Variants in GPRIN3 observed in about 807,000 individuals in gnomAD.
The protein encoded by GPRIN3 is GPRIN family member 3, also known as G protein-regulated inducer of neurite outgrowth 3.
A neutral mutation model predicts 13.7 loss-of-function variants in GPRIN3; 12 were observed. That is an observed-to-expected ratio of 0.87 (90% CI 0.56 to 1.42). GPRIN3 has a LOEUF of 1.42. Ranked by LOEUF, GPRIN3 falls within the 40% of genes most tolerant of loss-of-function variation. The probability of loss-of-function intolerance (pLI) is 0.00; values close to 1 mark genes in which losing one functional copy is unlikely to be tolerated. For synonymous variants in GPRIN3, 377 were observed against 372.7 expected (o/e 1.01, Z -0.13); for missense variants, 1,009 against 958.7 (o/e 1.05, Z -0.69).
At chr4:89,268,985 G>T (rs993028232) in intron 1 of GPRIN3, among the ~76,000 whole-genome samples, 1 of 152,158 alleles carries the variant, frequency 6.6e-6, no homozygotes, top group Non-Finnish European at 1.5e-5. Context: ...AAGAATAACA[G>T]CTGGAAGAAG....
chr4:89,287,341 AT>A (rs1202827723), intron 1 of GPRIN3, among the ~76,000 whole-genome samples: 1 of 152,180 alleles, frequency 6.6e-6, no homozygotes, highest in African/African-American at 2.4e-5. Flanking sequence ...AATGCATATA[AT>A]TTTATTTCCT....
chr4:89,270,546 A>G (rs550905393), intron 1 of GPRIN3, among the ~76,000 whole-genome samples: 13 of 128,130 alleles, frequency 1.0e-4, no homozygotes, highest in African/African-American at 3.9e-4. Context: ...TATTATATAT[A>G]TTTATATATG....
intron 1 of GPRIN3, among the ~76,000 whole-genome samples, chr4:89,271,642 G>A (rs903096959): frequency 2.6e-5 from 4 of 152,112 alleles, no homozygotes; most frequent in East Asian, 3.9e-4. Flanking sequence ...CATGGTTGGA[G>A]GAATCCATGG....
At position 89,292,179 on chromosome 4, in the gene GPRIN3, T is replaced by A. The variant is rs77908122; in HGVS notation, c.-124+15436A>T. On this transcript the variant is annotated intron_variant, in intron 1 of 1. Transcript: ENST00000609438. ...TGACATAATTAATACATCCAAAGGC[T>A]AATCTAGTATTGGCTAATTTTGTCA... 4.0e-3 allele frequency among the ~76,000 whole-genome samples: 615 copies of A among 152,316 alleles called. 7 individuals carry two copies. The highest frequency in any genetic ancestry group is 0.014 in the African/African-American group (581 of 41,570).
chr4:89,295,127 T>C (rs1429122931), intron 1 of GPRIN3, among the ~76,000 whole-genome samples: 1 of 152,198 alleles, frequency 6.6e-6, no homozygotes, highest in African/African-American at 2.4e-5. Flanking sequence ...AAGTACTAAT[T>C]TTTTCCCTTT....
At chr4:89,283,911 G>A (rs1415496053) in intron 1 of GPRIN3, among the ~76,000 whole-genome samples, 2 of 152,208 alleles carry the variant, frequency 1.3e-5, no homozygotes, top group African/African-American at 4.8e-5. Context: ...GGGGGGCTTT[G>A]TAAGTGAAAC....
chr4:89,289,497 A>G (rs1724513899), intron 1 of GPRIN3, among the ~76,000 whole-genome samples: 2 of 152,212 alleles, frequency 1.3e-5, no homozygotes, highest in Non-Finnish European at 2.9e-5. Flanking sequence ...GCCGAGACTC[A>G]AATGACAATA....
intron 1 of GPRIN3, among the ~76,000 whole-genome samples, chr4:89,269,564 G>T (rs1435555922): frequency 1.3e-5 from 2 of 152,108 alleles, no homozygotes; most frequent in African/African-American, 2.4e-5. Context: ...TACAGAAATT[G>T]TTCACTAGAG....
In GPRIN3 at chr4:89,248,983, C is replaced by A. The variant is rs375925089; in HGVS notation, c.1128G>T (p.Thr376=). The change falls in exon 2 of 2, where the codon ACG becomes ACT. Residue 376 remains threonine, a synonymous_variant. Transcript: ENST00000609438. ...GSHTLELSDS[T]LAPQESSQCP... is the part of the protein sequence containing the mutation. ...ACTGGCTGGACTCCTGGGGGGCTAGCGTGCTGTCAGAGAGCTCCAGTGTGT... is the reference window on the plus strand; with the variant it reads ...ACTGGCTGGACTCCTGGGGGGCTAGAGTGCTGTCAGAGAGCTCCAGTGTGT... 5 of 1,614,046 alleles carry A rather than the reference C, an allele frequency of 3.1e-6. No homozygotes were observed. The African/African-American group carries it at 5.3e-5, about 17-fold the overall frequency.
At chr4:89,301,843 A>T (rs1724905840) in intron 1 of GPRIN3, among the ~76,000 whole-genome samples, 1 of 152,198 alleles carries the variant, frequency 6.6e-6, no homozygotes, top group Admixed American at 6.5e-5. Context: ...TTACTGAATT[A>T]GCAACAATGC....
At chr4:89,255,209 T>C (rs1723434718) in intron 1 of GPRIN3, among the ~76,000 whole-genome samples, 1 of 152,200 alleles carries the variant, frequency 6.6e-6, no homozygotes, top group African/African-American at 2.4e-5. Context: ...CACCTAGCTT[T>C]AGCTCTGTGT....
intron 1 of GPRIN3, among the ~76,000 whole-genome samples, chr4:89,275,512 A>T (rs1724068373): frequency 6.6e-6 from 1 of 152,206 alleles, no homozygotes; most frequent in Non-Finnish European, 1.5e-5. Context: ...TACATAAAAG[A>T]CAAAAGGATA....
intron 1 of GPRIN3, among the ~76,000 whole-genome samples, chr4:89,296,968 G>T (rs773255551): frequency 6.6e-6 from 1 of 152,088 alleles, no homozygotes. Flanking sequence ...CCATAAAATC[G>T]TACTGAGTCC....
intron 1 of GPRIN3, among the ~76,000 whole-genome samples, chr4:89,271,710 A>T (rs756164321): frequency 6.6e-6 from 1 of 152,000 alleles, no homozygotes; most frequent in African/African-American, 2.4e-5. Context: ...AGTAAAGGAG[A>T]TGGACAAATG....
At position 89,248,529 on chromosome 4, in the gene GPRIN3, C is replaced by T. The variant is rs1438011767; in HGVS notation, c.1582G>A (p.Asp528Asn). ...CTTGCATCTCCTTTATTAGTGGGAT[C>T]CAAGCTCCCAGAATGATCAGCTTTG... ...ISKADHSGSL[D>N]PTNKGDAREK... Residue 528 changes from aspartate (D) to asparagine (N), a missense_variant, in exon 2 of 2, where the codon GAT (aspartate) becomes AAT (asparagine). Asp to Asn is a conservative substitution (Grantham distance 23). Coordinates refer to ENST00000609438, the MANE Select transcript of GPRIN3 (RefSeq NM_198281.3). The T allele has an allele frequency of 6.2e-7, 1 of 1,613,324 alleles. No homozygotes were observed. Among genetic ancestry groups the T allele is most frequent in the Non-Finnish European group, 8.5e-7 (1 of 1,179,410 alleles).
intron 1 of GPRIN3, among the ~76,000 whole-genome samples, chr4:89,302,038 G>C (rs1177291349): frequency 1.3e-5 from 2 of 152,174 alleles, no homozygotes; most frequent in African/African-American, 4.8e-5. Flanking sequence ...AATGGAATCT[G>C]GTGTGTAAGG....
In GPRIN3 at chr4:89,240,861, C is replaced by T. The variant is rs1187337880; in HGVS notation, c.*6919G>A. 6.6e-6 allele frequency: 1 copy of T among 152,168 alleles called. No homozygotes were observed. Among genetic ancestry groups the T allele is most frequent in the African/African-American group, 2.4e-5 (1 of 41,436 alleles). 9.4% of individuals were successfully genotyped at this position (152,168 alleles called of 1,614,324 possible). A position where few individuals can be genotyped will look rare whatever the true frequency, so the allele number is the denominator to read the frequency against. ...ATGTGTGCCTATATATGTGGATAAG[C>T]TATTTACATTTTTATGTGTAGAAAA... is the stretch of plus-strand genomic sequence containing the variant. On this transcript the variant is annotated 3_prime_UTR_variant, in exon 2 of 2. Transcript: ENST00000609438.
At chr4:89,254,899 A>T (rs184900466) in intron 1 of GPRIN3, among the ~76,000 whole-genome samples, 10 of 152,206 alleles carry the variant, frequency 6.6e-5, no homozygotes, top group Non-Finnish European at 1.2e-4. Flanking sequence ...AAAATCCAGA[A>T]TTCTCCCTTG....
chr4:89,256,062 A>T (rs992053326), intron 1 of GPRIN3, among the ~76,000 whole-genome samples: 3 of 152,216 alleles, frequency 2.0e-5, no homozygotes, highest in African/African-American at 7.2e-5. Flanking sequence ...ACTGAGGCCC[A>T]GAGGCTAAGT....
Sources: gnomAD v4.1 joint callset for allele counts (sites outside exome capture counted in the v4.1 genomes callset) on GRCh38, gnomAD v4.1.1 for gene constraint, MANE v1.5 for transcripts, NCBI Gene and HGNC (gene_info 2026-07-23, HGNC 2026-07-21) for gene names.